FILIP1L: variants seen among roughly 807,000 people sequenced by gnomAD.
FILIP1L encodes filamin A-interacting protein 1-like.
A neutral mutation model predicts 96.6 loss-of-function variants in FILIP1L; 55 were observed. That is an observed-to-expected ratio of 0.57 (90% CI 0.46 to 0.71). FILIP1L has a LOEUF of 0.71. Ranked by LOEUF, FILIP1L falls within the 30% of genes least tolerant of loss-of-function variation. FILIP1L has a pLI of 0.00. For missense variants in FILIP1L, 1,304 were observed against 1,321.2 expected, an observed-to-expected ratio of 0.99 and a Z score of 0.20; for synonymous variants, 467 against 473.9, an observed-to-expected ratio of 0.99 and a Z score of 0.19.
At chr3:99,940,082 G>T (rs1246019166) in intron 1 of FILIP1L, among the ~76,000 whole-genome samples, 5 of 152,166 alleles carry the variant, frequency 3.3e-5, no homozygotes, top group Non-Finnish European at 5.9e-5. Context: ...GTGAAGAAAG[G>T]ACAAAAAGAA....
chr3:99,855,445 G>C (rs1274438688), intron 4 of FILIP1L, among the ~76,000 whole-genome samples: 1 of 152,178 alleles, frequency 6.6e-6, no homozygotes, highest in Non-Finnish European at 1.5e-5. Context: ...GCAGTGAGCT[G>C]AGTCTGTACA....
At chr3:99,930,089 G>A in intron 2 of FILIP1L, 60 bp from the exon 3 acceptor site, 1 of 1,374,830 alleles carries the variant, frequency 7.3e-7, no homozygotes, top group South Asian at 1.5e-5. Context: ...CTCAGCAAGT[G>A]ATTTTTGTGA....
intron 1 of FILIP1L, chr3:100,023,517 A>G (rs2064862669): frequency 6.6e-6 from 1 of 152,658 alleles, no homozygotes; most frequent in African/African-American, 2.4e-5. Flanking sequence ...TAAATGTGAA[A>G]GAACTGTAAG....
chr3:100,037,001 G>T (rs1240276679), intron 1 of FILIP1L, among the ~76,000 whole-genome samples: 1 of 152,078 alleles, frequency 6.6e-6, no homozygotes. Context: ...CATAAATAAA[G>T]CTGAGCCATT....
chr3:99,988,000 A>G (rs1173217412), intron 1 of FILIP1L, among the ~76,000 whole-genome samples: 1 of 152,108 alleles, frequency 6.6e-6, no homozygotes, highest in Non-Finnish European at 1.5e-5. Flanking sequence ...TTTTTCTCTA[A>G]TCAAATGAAA....
chr3:99,931,564 A>G (rs1707483896), intron 1 of FILIP1L, among the ~76,000 whole-genome samples: 1 of 152,178 alleles, frequency 6.6e-6, no homozygotes, highest in East Asian at 1.9e-4. Context: ...CTACAGAATT[A>G]CTGCATTATT....
chr3:99,901,856 T>C (rs551103128), intron 4 of FILIP1L, among the ~76,000 whole-genome samples: 1 of 152,282 alleles, frequency 6.6e-6, no homozygotes, highest in Non-Finnish European at 1.5e-5. Flanking sequence ...TTTATACATT[T>C]GATTTTTTTG....
At chr3:100,069,286 T>A (rs2065721157) in intron 1 of FILIP1L, among the ~76,000 whole-genome samples, 1 of 151,974 alleles carries the variant, frequency 6.6e-6, no homozygotes, top group African/African-American at 2.4e-5. Flanking sequence ...ACTCTCTTCA[T>A]CCTGTTGTAG....
chr3:99,927,732 A>T (rs114333405), intron 3 of FILIP1L, among the ~76,000 whole-genome samples: 2,305 of 150,452 alleles, frequency 0.015, 47 homozygotes, highest in African/African-American at 0.046. Flanking sequence ...ATTTTTTTTT[A>T]AAATTAAGTT....
At chr3:99,986,890 C>A (rs976205005) in intron 1 of FILIP1L, among the ~76,000 whole-genome samples, 1 of 152,076 alleles carries the variant, frequency 6.6e-6, no homozygotes, top group Non-Finnish European at 1.5e-5. Flanking sequence ...GGTGGAGAAA[C>A]CCTGATCTAG....
intron 4 of FILIP1L, among the ~76,000 whole-genome samples, chr3:99,867,567 C>T (rs1412751406): frequency 1.3e-5 from 2 of 152,184 alleles, no homozygotes; most frequent in African/African-American, 4.8e-5. Context: ...GGACCAAAAT[C>T]TGCTAGTGAC....
rs143439414 is a variant in FILIP1L at position 100,020,642 on chromosome 3, T to G, written c.-10-89612A>C. On this transcript the variant is annotated intron_variant, in intron 1 of 5. Transcript: ENST00000477258. ...ATAATTGATAACATTTTTAAAATAG[T>G]CTTAAAGTTCTTAAAAAGTGTTTAT... Among the ~76,000 whole-genome samples the G allele has an allele frequency of 5.0e-3, 755 of 152,216 alleles. 5 individuals are homozygous for G. Among genetic ancestry groups the G allele is most frequent in the African/African-American group, 0.017 (711 of 41,530 alleles).
intron 4 of FILIP1L, among the ~76,000 whole-genome samples, chr3:99,892,094 C>T (rs1466789802): frequency 6.6e-6 from 1 of 152,158 alleles, no homozygotes; most frequent in Non-Finnish European, 1.5e-5. Context: ...ATGCTTTTAC[C>T]AAACCTCTGT....
At chr3:99,919,433 G>C (rs972690116) in intron 4 of FILIP1L, among the ~76,000 whole-genome samples, 3 of 147,902 alleles carry the variant, frequency 2.0e-5, no homozygotes, top group African/African-American at 7.5e-5. Context: ...ATGGGACCTG[G>C]CTTGCAGTAG....
At chr3:99,885,682 A>G (rs1305003691) in intron 4 of FILIP1L, among the ~76,000 whole-genome samples, 1 of 152,190 alleles carries the variant, frequency 6.6e-6, no homozygotes, top group Non-Finnish European at 1.5e-5. Context: ...TATCTCTGTC[A>G]TCTATTTGTG....
intron 1 of FILIP1L, among the ~76,000 whole-genome samples, chr3:99,982,828 A>G (rs1320200923): frequency 6.6e-6 from 1 of 152,226 alleles, no homozygotes; most frequent in Non-Finnish European, 1.5e-5. Context: ...GCCCAACCCT[A>G]TGAAATGGTA....
At chr3:99,919,828 C>G (rs970858138) in intron 4 of FILIP1L, among the ~76,000 whole-genome samples, 9 of 152,172 alleles carry the variant, frequency 5.9e-5, no homozygotes, top group Non-Finnish European at 1.0e-4. Context: ...AACTTAACAG[C>G]AAAGAACTTC....
intron 1 of FILIP1L, among the ~76,000 whole-genome samples, chr3:99,961,304 T>G (rs1576602973): frequency 6.6e-6 from 1 of 152,322 alleles, no homozygotes; most frequent in East Asian, 1.9e-4. Flanking sequence ...TTTGTTTTGT[T>G]TGAAATCCTC....
At chr3:99,953,659 T>C (rs1340244038) in intron 1 of FILIP1L, among the ~76,000 whole-genome samples, 1 of 152,230 alleles carries the variant, frequency 6.6e-6, no homozygotes, top group African/African-American at 2.4e-5. Context: ...AGGAAGATGC[T>C]ATAAATATAT....
Sources: allele counts gnomAD v4.1 joint callset (sites outside exome capture counted in the v4.1 genomes callset), GRCh38; gene constraint gnomAD v4.1.1; transcripts MANE v1.5; gene names NCBI Gene and HGNC (gene_info 2026-07-23, HGNC 2026-07-21).